The following DZIP3 variants were observed in gnomAD, a reference collection of about 807,000 sequenced individuals.
The protein encoded by DZIP3 is DAZ interacting zinc finger protein 3, also known as E3 ubiquitin-protein ligase DZIP3.
Under a neutral mutation model 162.0 loss-of-function variants are expected in DZIP3, and 118 were observed. The observed-to-expected ratio is 0.73, with a 90% confidence interval of 0.63 to 0.85. The LOEUF (loss-of-function observed/expected upper bound fraction) is 0.85, where lower values mean the gene tolerates loss of function less well. Ranked by LOEUF, DZIP3 falls within the 40% of genes least tolerant of loss-of-function variation. The pLI is 0.00. For missense variants in DZIP3, 1,331 were observed against 1,407.0 expected (o/e 0.95, Z 0.86); for synonymous variants, 438 against 458.6 (o/e 0.96, Z 0.57).
At chr3:108,683,885 C>G (rs1359771308) in intron 26 of DZIP3, among the ~76,000 whole-genome samples, 1 of 152,120 alleles carries the variant, frequency 6.6e-6, no homozygotes, top group Non-Finnish European at 1.5e-5. Context: ...GGGAGGGAAC[C>G]TTAATGATTA....
chr3:108,679,203 A>G (rs1180073520), intron 26 of DZIP3, among the ~76,000 whole-genome samples: 3 of 152,134 alleles, frequency 2.0e-5, no homozygotes, highest in Non-Finnish European at 4.4e-5. Flanking sequence ...ATGGCTCTTA[A>G]CTATAAAATG....
At chr3:108,639,145 A>G (rs1188962022) in intron 12 of DZIP3, among the ~76,000 whole-genome samples, 1 of 152,212 alleles carries the variant, frequency 6.6e-6, no homozygotes, top group Non-Finnish European at 1.5e-5. Flanking sequence ...TCTATCATGT[A>G]TTTCCTCTAT....
rs577112816 is a variant in DZIP3, at chr3:108,625,452, C to T, written c.457-393C>T. Among the ~76,000 whole-genome samples, 19 of 152,190 alleles carry T rather than the reference C, an allele frequency of 1.2e-4. 1 individual carries two copies. The highest frequency in any genetic ancestry group is 2.9e-4 in the African/African-American group (12 of 41,530). On this transcript the variant is annotated intron_variant, in intron 6 of 32. Transcript: ENST00000361582. ...GTATATGTATGTATTTAAAAGATGG[C>T]GTCTCACTATGTTGCCCAAGCTGGA...
At chr3:108,645,177 GA>G (rs760586355) in intron 14 of DZIP3, among the ~76,000 whole-genome samples, 40 of 152,260 alleles carry the variant, frequency 2.6e-4, no homozygotes, top group Admixed American at 2.6e-3. Flanking sequence ...GTACATTCAA[GA>G]GGATTTTTTT....
intron 19 of DZIP3, among the ~76,000 whole-genome samples, chr3:108,656,015 A>T (rs754652132): frequency 7.2e-5 from 11 of 152,164 alleles, no homozygotes; most frequent in Non-Finnish European, 1.5e-4. Flanking sequence ...ACTGGGTGGA[A>T]CCCACCACAG....
At chr3:108,615,660 G>A (rs550207153) in intron 4 of DZIP3, among the ~76,000 whole-genome samples, 10 of 152,288 alleles carry the variant, frequency 6.6e-5, no homozygotes, top group African/African-American at 1.7e-4. Flanking sequence ...AAACCAAGCC[G>A]TTGTGGGTAG....
At chr3:108,687,866 A>G in intron 28 of DZIP3, 110 bp from the exon 29 acceptor site, 4 of 1,406,184 alleles carry the variant, frequency 2.8e-6, no homozygotes, top group Non-Finnish European at 3.0e-6. Context: ...TCCTGTCTGT[A>G]TGCTACATAT....
At chr3:108,675,642 T>A (rs1944079010) in intron 24 of DZIP3, 144 bp from the exon 25 acceptor site, 2 of 557,522 alleles carry the variant, frequency 3.6e-6, no homozygotes, top group Non-Finnish European at 3.1e-6. Context: ...CATACCTCTT[T>A]ATGTCCATTT....
intron 19 of DZIP3, among the ~76,000 whole-genome samples, chr3:108,656,156 C>T (rs1943107690): frequency 6.6e-6 from 1 of 152,176 alleles, no homozygotes; most frequent in South Asian, 2.1e-4. Flanking sequence ...GTGGTTCTCC[C>T]AGCACGTAGC....
chr3:108,638,317 T>TTTTTTTTG (rs1553706933), intron 12 of DZIP3, among the ~76,000 whole-genome samples: 6 of 151,712 alleles, frequency 4.0e-5, no homozygotes, highest in South Asian at 2.1e-4. Context: ...ATTTAGGTTT[T>TTTTTTTTG]TTTGTTTGTT....
intron 19 of DZIP3, among the ~76,000 whole-genome samples, chr3:108,659,160 G>C (rs1943294802): frequency 6.6e-6 from 1 of 152,184 alleles, no homozygotes; most frequent in Non-Finnish European, 1.5e-5. Flanking sequence ...GCATCATCCT[G>C]ATAGCAAAGC....
At chr3:108,646,771 A>G in intron 15 of DZIP3, 122 bp downstream of exon 15, 3 of 696,298 alleles carry the variant, frequency 4.3e-6, no homozygotes, top group Non-Finnish European at 7.0e-6. Context: ...GGCCAGGCGC[A>G]GTGGCTCACG....
chr3:108,605,896 T>C (rs1277789350), intron 2 of DZIP3, among the ~76,000 whole-genome samples: 1 of 152,238 alleles, frequency 6.6e-6, no homozygotes, highest in Non-Finnish European at 1.5e-5. Context: ...GAAACCCTTA[T>C]GCTTCAAGAC....
chr3:108,624,507 G>C lies in DZIP3; in HGVS notation c.439G>C (p.Glu147Gln). Residue 147 changes from glutamate (E) to glutamine (Q), a missense_variant, in exon 6 of 33, where the codon GAA becomes CAA. Glu to Gln is a conservative substitution (Grantham distance 29, BLOSUM62 2). Transcript: ENST00000361582. ...GTTTTTATATGGAGTAGCACTCACT[G>C]AAAGAGGAAAGAAAGAGGTATGTAA... ...LLFLYGVALTERGKKEDYTEA... is the reference protein window; with the variant it reads ...LLFLYGVALTQRGKKEDYTEA... 1 of 1,574,950 alleles carries C rather than the reference G, an allele frequency of 6.3e-7. No homozygotes were observed. Among genetic ancestry groups the C allele is most frequent in the Non-Finnish European group, 8.7e-7 (1 of 1,154,140 alleles).
At chr3:108,663,688 C>A (rs1205321773) in intron 21 of DZIP3, among the ~76,000 whole-genome samples, 1 of 152,152 alleles carries the variant, frequency 6.6e-6, no homozygotes, top group Non-Finnish European at 1.5e-5. Flanking sequence ...TGCAGATGAG[C>A]TACCTCTCTT....
chr3:108,665,899 A>T (rs1442668303), intron 21 of DZIP3, among the ~76,000 whole-genome samples: 1 of 152,180 alleles, frequency 6.6e-6, no homozygotes, highest in Non-Finnish European at 1.5e-5. Context: ...AGTCTCAGAC[A>T]ATGGAAAATT....
In DZIP3 at chr3:108,634,393, A is replaced by G. The variant is rs1001076591; in HGVS notation, c.817-478A>G. Reference sequence around the variant, plus strand: ...AGGTTGTAGTTTCCAGGCAGGGTACAGTGGGAAAGACAAGCAATCTATACC... The same window carrying G: ...AGGTTGTAGTTTCCAGGCAGGGTACGGTGGGAAAGACAAGCAATCTATACC... On this transcript the variant is annotated intron_variant, in intron 9 of 32. Coordinates refer to ENST00000361582, the MANE Select transcript of DZIP3 (RefSeq NM_014648.4). 1.1e-4 allele frequency among the ~76,000 whole-genome samples: 17 copies of G among 152,310 alleles called. No individual in the cohort carries two copies. The East Asian group carries it at 2.7e-3, about 24-fold the overall frequency.
chr3:108,626,033 A>G (rs1941576895), intron 7 of DZIP3, 64 bp downstream of exon 7: 2 of 1,550,450 alleles, frequency 1.3e-6, no homozygotes, highest in Non-Finnish European at 8.8e-7. Flanking sequence ...AATGGAAGTA[A>G]GTGTGCACAG....
intron 19 of DZIP3, among the ~76,000 whole-genome samples, chr3:108,659,215 C>T (rs532721318): frequency 2.0e-5 from 3 of 152,258 alleles, no homozygotes; most frequent in East Asian, 3.9e-4. Context: ...ACCAATATCC[C>T]TGATGAACAT....
Sources: gnomAD v4.1 joint callset for allele counts (sites outside exome capture counted in the v4.1 genomes callset) on GRCh38, gnomAD v4.1.1 for gene constraint, MANE v1.5 for transcripts, NCBI Gene and HGNC (gene_info 2026-07-23, HGNC 2026-07-21) for gene names.